ESCO2: variants seen among roughly 807,000 people sequenced by gnomAD.
ESCO2 encodes N-acetyltransferase ESCO2.
In ESCO2, 51 loss-of-function variants were observed where a neutral mutation model predicts 61.7. The observed-to-expected ratio is 0.83, with a 90% CI of 0.66 to 1.04. The LOEUF (loss-of-function observed/expected upper bound fraction) is 1.04, where lower values mean the gene tolerates loss of function less well. Among genes scored for constraint, ESCO2 ranks in the 50% least tolerant of loss-of-function variants. The probability of loss-of-function intolerance (pLI) is 0.00; values close to 1 mark genes in which losing one functional copy is unlikely to be tolerated. For synonymous variants in ESCO2, 230 were observed against 238.2 expected (o/e 0.97, Z 0.32); for missense variants, 692 against 686.2 (o/e 1.01, Z -0.09).
rs1804789752 is a variant in ESCO2, at chr8:27,776,397, C to T, written c.89C>T (p.Pro30Leu). Reference protein sequence around the residue: ...LHFTENLFPSPNKKHCFYQNS... With the variant: ...LHFTENLFPSLNKKHCFYQNS... ...TTCACTGAAAATCTGTTTCCATCAC[C>T]TAATAAAAAGCACTGTTTTTATCAA... The change falls in exon 3 of 11, where the codon CCT becomes CTT. Residue 30 changes from proline (P) to leucine (L), a missense_variant. By Grantham distance (98) the Pro-to-Leu change is moderately conservative. Coordinates refer to ENST00000305188, the MANE Select transcript of ESCO2 (RefSeq NM_001017420.3). 1 of 1,608,054 alleles carries T rather than the reference C, an allele frequency of 6.2e-7. No homozygotes were observed. The highest frequency in any genetic ancestry group is 1.1e-5 in the South Asian group (1 of 89,522).
chr8:27,810,465 G>T, downstream of ESCO2: 1 of 1,604,920 alleles, frequency 6.2e-7, no homozygotes, highest in Non-Finnish European at 8.5e-7. Flanking sequence ...TGCATAGTAT[G>T]CTTCATCATC....
intron 5 of ESCO2, 121 bp downstream of exon 5, chr8:27,784,178 T>G: frequency 2.5e-6 from 2 of 809,008 alleles, no homozygotes; most frequent in South Asian, 1.5e-5. Flanking sequence ...CTAAGGGGAA[T>G]AGGAGAATAA....
chr8:27,810,208 T>C (rs775171639), downstream of ESCO2: 6 of 802,642 alleles, frequency 7.5e-6, no homozygotes, highest in Non-Finnish European at 1.3e-5. Context: ...TCCTCAAATA[T>C]GCCAATTTTA....
intron 9 of ESCO2, among the ~76,000 whole-genome samples, chr8:27,794,050 ATGT>A (rs145366706): frequency 0.037 from 5,579 of 152,252 alleles, 155 homozygotes; most frequent in Middle Eastern, 0.071. Context: ...AGGTTCATTC[ATGT>A]TGTTGCAAAT....
chr8:27,786,435 C>CA (rs1805043495), intron 5 of ESCO2, among the ~76,000 whole-genome samples: 1 of 152,206 alleles, frequency 6.6e-6, no homozygotes, highest in African/African-American at 2.4e-5. Flanking sequence ...TGTGCCTGGG[C>CA]ATGACTGCCC....
rs189051423 is a variant in ESCO2 at position 27,782,029 on chromosome 8, T to G, written c.955+1762T>G. On this transcript the variant is annotated intron_variant, in intron 4 of 10. Transcript: ENST00000305188. ...TGTCTTTAGTCTTATCTGTGACATT[T>G]TCTGTCTTATTTCTTTGTTTGCATA... 1.4e-3 allele frequency among the ~76,000 whole-genome samples: 214 copies of G among 152,330 alleles called. 2 individuals are homozygous for G. Among genetic ancestry groups the G allele is most frequent in the African/African-American group, 4.8e-3 (201 of 41,574 alleles).
intron 3 of ESCO2, chr8:27,777,585 C>CCA (rs1283217288): frequency 1.3e-5 from 2 of 156,804 alleles, no homozygotes; most frequent in Non-Finnish European, 2.8e-5. Context: ...TGGGTGTGAA[C>CCA]CACTGCACCT....
intron 1 of ESCO2, 66 bp from the exon 2 acceptor site, chr8:27,775,433 G>A: frequency 7.5e-7 from 1 of 1,326,826 alleles, no homozygotes; most frequent in Non-Finnish European, 1.1e-6. Context: ...CTAATTAAAG[G>A]GGGTATAATT....
downstream of ESCO2, chr8:27,808,476 G>C (rs1805606707): frequency 6.5e-6 from 1 of 154,672 alleles, no homozygotes. Context: ...GAGTTCCAGA[G>C]CAGCCTGAGC....
intron 9 of ESCO2, among the ~76,000 whole-genome samples, chr8:27,794,792 G>A (rs892773656): frequency 2.0e-5 from 3 of 152,060 alleles, no homozygotes; most frequent in African/African-American, 7.2e-5. Flanking sequence ...TCTTCTGTTT[G>A]TGGATATTCA....
At chr8:27,808,238 C>T, downstream of ESCO2, 1 of 1,243,526 alleles carries the variant, frequency 8.0e-7, no homozygotes, top group South Asian at 1.4e-5. Context: ...AAAGAATCAT[C>T]TTCAACATTT....
At chr8:27,774,905 C>T (rs1265443432) in intron 1 of ESCO2, 1 of 153,898 alleles carries the variant, frequency 6.5e-6, no homozygotes, top group Non-Finnish European at 1.4e-5. Context: ...CGCTTAGCCC[C>T]AGAGGGGTCC....
intron 9 of ESCO2, among the ~76,000 whole-genome samples, chr8:27,793,752 TG>T (rs1191352359): frequency 3.5e-4 from 53 of 152,202 alleles, no homozygotes. Context: ...CCCAAATTGC[TG>T]GGATTACAGG....
chr8:27,806,025 T>G (rs1227681706), downstream of ESCO2, among the ~76,000 whole-genome samples: 1 of 152,182 alleles, frequency 6.6e-6, no homozygotes, highest in Non-Finnish European at 1.5e-5. Flanking sequence ...ATGTACAAGA[T>G]GAGCCTAGAT....
downstream of ESCO2, chr8:27,809,513 CTT>C (rs1452673055): frequency 1.3e-5 from 2 of 152,238 alleles, no homozygotes. Flanking sequence ...ATCCAAAACA[CTT>C]TATAGATTAG....
chr8:27,800,998 C>T (rs1370481152), intron 10 of ESCO2, among the ~76,000 whole-genome samples: 1 of 152,032 alleles, frequency 6.6e-6, no homozygotes, highest in Non-Finnish European at 1.5e-5. Context: ...TAAAAATGTT[C>T]TAGAATTAGA....
intron 1 of ESCO2, among the ~76,000 whole-genome samples, chr8:27,775,153 C>T (rs1804759378): frequency 6.6e-6 from 1 of 152,222 alleles, no homozygotes; most frequent in South Asian, 2.1e-4. Context: ...AAGCAAACGG[C>T]TTGCTCCGGG....
intron 3 of ESCO2, chr8:27,778,189 C>T (rs1379771393): frequency 6.6e-6 from 1 of 152,190 alleles, no homozygotes; most frequent in African/African-American, 2.4e-5. Flanking sequence ...AGTATCATAC[C>T]ATTTGACAAA....
rs554005632 is a variant in ESCO2 at position 27,792,784 on chromosome 8, G to C, written c.1470G>C (p.Gly490=). Residue 490 remains glycine, a synonymous_variant, in exon 9 of 11, where the codon GGG becomes GGC. Coordinates refer to ENST00000305188, the MANE Select transcript of ESCO2 (RefSeq NM_001017420.3). ...TATCTGATGAAAAGAGAGTAGTTGG[G>C]TGTTTAATTGCAGAACCCATCAAAC... is the stretch of plus-strand genomic sequence containing the variant. ...LFISDEKRVV[G]CLIAEPIKQA... is the part of the protein sequence containing the mutation. 15 of 1,606,224 alleles carry C rather than the reference G, an allele frequency of 9.3e-6. No individual in the cohort carries two copies. The highest frequency in any genetic ancestry group is 1.0e-5 in the Non-Finnish European group (12 of 1,177,522).
Sources: allele counts gnomAD v4.1 joint callset (sites outside exome capture counted in the v4.1 genomes callset), GRCh38; gene constraint gnomAD v4.1.1; transcripts MANE v1.5; gene names NCBI Gene and HGNC (gene_info 2026-07-23, HGNC 2026-07-21).